The following IGFBP7 variants were observed in gnomAD, a reference collection of about 807,000 sequenced individuals.
IGFBP7 encodes insulin like growth factor binding protein 7, also known as insulin-like growth factor-binding protein 7.
In IGFBP7, 31 loss-of-function variants were observed where a neutral mutation model predicts 29.4. The ratio of observed to expected loss-of-function variants is 1.05; its 90% CI spans 0.79 to 1.42. The LOEUF (loss-of-function observed/expected upper bound fraction) is 1.42, where lower values mean the gene tolerates loss of function less well. IGFBP7 is among the 40% of genes most tolerant of loss of function. IGFBP7 has a pLI of 0.00. For synonymous variants in IGFBP7, 172 were observed against 174.9 expected, an observed-to-expected ratio of 0.98 and a Z score of 0.13; for missense variants, 393 against 395.5, an observed-to-expected ratio of 0.99 and a Z score of 0.05.
At chr4:57,072,989 C>A in intron 1 of IGFBP7, 1 of 890,078 alleles carries the variant, frequency 1.1e-6, no homozygotes, top group South Asian at 1.3e-5. Context: ...GACCATCCTG[C>A]TCTCCATCCA....
chr4:57,076,549 G>A (rs1462474702), intron 1 of IGFBP7, among the ~76,000 whole-genome samples: 1 of 152,218 alleles, frequency 6.6e-6, no homozygotes, highest in African/African-American at 2.4e-5. Context: ...GCTCCAGCCT[G>A]CTCTGTACAG....
intron 1 of IGFBP7, among the ~76,000 whole-genome samples, chr4:57,083,284 C>T (rs138383701): frequency 6.6e-6 from 1 of 152,188 alleles, no homozygotes; most frequent in African/African-American, 2.4e-5. Flanking sequence ...CAGGAAGGTC[C>T]CCATTTCCCT....
intron 1 of IGFBP7, among the ~76,000 whole-genome samples, chr4:57,102,631 T>G (rs542021230): frequency 1.7e-4 from 26 of 152,338 alleles, no homozygotes; most frequent in African/African-American, 6.0e-4. Context: ...AATAACTAAT[T>G]CCCAAACGAT....
chr4:57,042,126 A>G (rs1434648631), intron 1 of IGFBP7, among the ~76,000 whole-genome samples: 4 of 152,150 alleles, frequency 2.6e-5, no homozygotes, highest in South Asian at 4.2e-4. Flanking sequence ...CATTCCCCCA[A>G]TTAGGGAACA....
intron 1 of IGFBP7, chr4:57,072,649 A>AAAGGT: frequency 3.4e-6 from 1 of 296,330 alleles, no homozygotes; most frequent in Non-Finnish European, 6.6e-6. Context: ...GCTGCTGCCT[A>AAAGGT]GCCACCACCA....
chr4:57,039,766 AG>A, intron 2 of IGFBP7, among the ~76,000 whole-genome samples: 1 of 150,596 alleles, frequency 6.6e-6, no homozygotes, highest in South Asian at 2.1e-4. Context: ...CTGGGGCCAC[AG>A]GCATGCCTCA....
rs957835489 is a variant in IGFBP7 at position 57,048,926 on chromosome 4, G to A, written c.476-7993C>T. ...GATGAAGAAACTAGGAAGTGTCTAA[G>A]AATATCCTCTTTGGGTTTGGAAGTA... On this transcript the variant is annotated intron_variant, in intron 1 of 4. Coordinates refer to ENST00000295666, the MANE Select transcript of IGFBP7 (RefSeq NM_001553.3). Among the ~76,000 whole-genome samples, 7 of 152,206 alleles carry A rather than the reference G, an allele frequency of 4.6e-5. No individual in the cohort carries two copies. In the East Asian group the frequency reaches 1.2e-3, roughly 25 times the overall value.
chr4:57,080,738 T>C (rs963629774), intron 1 of IGFBP7, among the ~76,000 whole-genome samples: 2 of 152,156 alleles, frequency 1.3e-5, no homozygotes, highest in Non-Finnish European at 2.9e-5. Context: ...CCAGAGAGAA[T>C]ACTAGTCTTA....
rs75214289 is a variant in IGFBP7 at position 57,047,054 on chromosome 4, C to T, written c.476-6121G>A. On this transcript the variant is annotated intron_variant, in intron 1 of 4. Transcript: ENST00000295666. ...GAGGGTCTCTTCTTTTTGAACATTC[C>T]TTGAAGGGAAAGAAGGGAGAGAGGA... Among the ~76,000 whole-genome samples the T allele has an allele frequency of 6.0e-3, 911 of 152,192 alleles. 11 individuals carry two copies. The highest frequency in any genetic ancestry group is 0.021 in the African/African-American group (865 of 41,526).
intron 1 of IGFBP7, among the ~76,000 whole-genome samples, chr4:57,068,530 G>A (rs943159421): frequency 3.3e-5 from 5 of 152,176 alleles, no homozygotes; most frequent in Admixed American, 2.0e-4. Context: ...GAAAAATAAA[G>A]GAGGCTGAGA....
intron 1 of IGFBP7, among the ~76,000 whole-genome samples, chr4:57,058,814 C>T (rs1024257290): frequency 1.3e-5 from 2 of 152,124 alleles, no homozygotes; most frequent in Admixed American, 6.5e-5. Context: ...TACAGACAAC[C>T]TACAGAATAG....
At chr4:57,107,219 G>T (rs1485763645) in intron 1 of IGFBP7, among the ~76,000 whole-genome samples, 1 of 152,150 alleles carries the variant, frequency 6.6e-6, no homozygotes, top group Admixed American at 6.5e-5. Flanking sequence ...GTACAGTGCT[G>T]ACTCAAGTTA....
At chr4:57,056,006 C>T (rs1438188075) in intron 1 of IGFBP7, among the ~76,000 whole-genome samples, 3 of 152,024 alleles carry the variant, frequency 2.0e-5, no homozygotes, top group African/African-American at 7.2e-5. Flanking sequence ...ATGTTTTTAC[C>T]CTCCAGGCCC....
rs527523807 is a variant in IGFBP7 at position 57,095,111 on chromosome 4, G to A, written c.475+14766C>T. On this transcript the variant is annotated intron_variant, in intron 1 of 4. Coordinates refer to ENST00000295666, the MANE Select transcript of IGFBP7 (RefSeq NM_001553.3). Reference sequence around the variant, plus strand: ...CTAGTCATTCCTTATGAGCAAGCAGGCTGTGATATGCCTTATGGAAAATAC... The same window carrying A: ...CTAGTCATTCCTTATGAGCAAGCAGACTGTGATATGCCTTATGGAAAATAC... Among the ~76,000 whole-genome samples, 22 of 152,328 alleles carry A rather than the reference G, an allele frequency of 1.4e-4. No homozygotes were observed. In the East Asian group the frequency reaches 1.9e-3, roughly 13 times the overall value.
chr4:57,039,457 G>C (rs1370661772), intron 2 of IGFBP7, among the ~76,000 whole-genome samples: 2 of 152,054 alleles, frequency 1.3e-5, no homozygotes, highest in African/African-American at 4.8e-5. Context: ...TAATTCTCAC[G>C]ACAGGGGGGA....
chr4:57,031,249 G>A lies in IGFBP7; in HGVS notation c.*68C>T. The A allele has an allele frequency of 7.8e-7, 1 of 1,279,338 alleles. No individual in the cohort carries two copies. The highest frequency in any genetic ancestry group is 1.2e-5 in the South Asian group (1 of 81,380). 79.2% of individuals were successfully genotyped at this position (1,279,338 alleles called of 1,614,324 possible). On this transcript the variant is annotated 3_prime_UTR_variant, in exon 5 of 5. Transcript: ENST00000295666. ...GGATTGGATTAAAAGAAACTTATTA[G>A]GCAAGAACAGGTAATGTAGTTATCC...
In IGFBP7 at chr4:57,107,784, A is replaced by G. The variant is rs75482629; in HGVS notation, c.475+2093T>C. Among the ~76,000 whole-genome samples, 1,435 of 152,328 alleles carry G rather than the reference A, an allele frequency of 9.4e-3. 28 individuals carry two copies. Among genetic ancestry groups the G allele is most frequent in the African/African-American group, 0.033 (1,375 of 41,554 alleles). On this transcript the variant is annotated intron_variant, in intron 1 of 4. Transcript: ENST00000295666. ...AACCCTCAAAGGGTTTGCAGTCTGG[A>G]GAGGTACTGAGCTGGGTGTACATGG... is the stretch of plus-strand genomic sequence containing the variant.
chr4:57,068,130 C>T (rs1724963813), intron 1 of IGFBP7, among the ~76,000 whole-genome samples: 1 of 151,874 alleles, frequency 6.6e-6, no homozygotes, highest in Non-Finnish European at 1.5e-5. Flanking sequence ...AGTTCAAGAC[C>T]AGCCTGGGCA....
intron 1 of IGFBP7, among the ~76,000 whole-genome samples, chr4:57,107,948 C>CA (rs1726076484): frequency 6.6e-6 from 1 of 152,174 alleles, no homozygotes; most frequent in Non-Finnish European, 1.5e-5. Flanking sequence ...AACACTTGAA[C>CA]AATCACCAAG....
Sources: gnomAD v4.1 joint callset for allele counts (sites outside exome capture counted in the v4.1 genomes callset) on GRCh38, gnomAD v4.1.1 for gene constraint, MANE v1.5 for transcripts, NCBI Gene and HGNC (gene_info 2026-07-23, HGNC 2026-07-21) for gene names.